MAN1A1: variants seen among roughly 807,000 people sequenced by gnomAD.
The protein encoded by MAN1A1 is mannosidase alpha class 1A member 1, also known as mannosyl-oligosaccharide 1,2-alpha-mannosidase IA.
MAN1A1 carries 29 observed loss-of-function variants against 70.8 expected under a neutral mutation model. The observed-to-expected ratio is 0.41, with a 90% CI of 0.31 to 0.56. The LOEUF (loss-of-function observed/expected upper bound fraction) is 0.56. Among genes scored for constraint, MAN1A1 ranks in the 20% least tolerant of loss-of-function variants. The pLI, the probability that MAN1A1 is intolerant of heterozygous loss-of-function variation, is 0.29. For synonymous variants in MAN1A1, 349 were observed against 330.1 expected (o/e 1.06, Z -0.62); for missense variants, 747 against 841.3 (o/e 0.89, Z 1.39).
intron 6 of MAN1A1, among the ~76,000 whole-genome samples, chr6:119,215,437 T>C (rs1362107806): frequency 2.0e-5 from 3 of 152,074 alleles, no homozygotes; most frequent in Non-Finnish European, 2.9e-5. Context: ...AGACTGGTAA[T>C]GTGATAAGAA....
intron 6 of MAN1A1, among the ~76,000 whole-genome samples, chr6:119,241,069 C>T (rs1774990106): frequency 6.6e-6 from 1 of 152,018 alleles, no homozygotes; most frequent in Non-Finnish European, 1.5e-5. Context: ...TAAACAGTAA[C>T]CCAGAAGTTT....
Position 119,348,383 on chromosome 6 carries a change from T to C in MAN1A1, c.603+80A>G, listed in dbSNP as rs188152078. Reference sequence around the variant, plus strand: ...CTCCCCATACATTGCATTGTTGCAGTCTTCAGAGTTTCAAAGGCTTGCCGT... The same window carrying C: ...CTCCCCATACATTGCATTGTTGCAGCCTTCAGAGTTTCAAAGGCTTGCCGT... On this transcript the variant is annotated intron_variant, in intron 2 of 12. Coordinates refer to ENST00000368468, the MANE Select transcript of MAN1A1 (RefSeq NM_005907.4). 12 of 1,346,508 alleles carry C rather than the reference T, an allele frequency of 8.9e-6. No homozygotes were observed. In the Admixed American group the frequency reaches 2.2e-4, roughly 24 times the overall value. 83.4% of individuals were successfully genotyped at this position (1,346,508 alleles called of 1,614,324 possible). A position where few individuals can be genotyped will look rare whatever the true frequency, so the allele number is the denominator to read the frequency against.
At chr6:119,343,461 C>T (rs145411139) in intron 2 of MAN1A1, among the ~76,000 whole-genome samples, 1 of 152,132 alleles carries the variant, frequency 6.6e-6, no homozygotes, top group Non-Finnish European at 1.5e-5. Context: ...CCTTACGACT[C>T]GGAGCATACA....
intron 5 of MAN1A1, among the ~76,000 whole-genome samples, chr6:119,261,847 A>G (rs1394890288): frequency 2.0e-5 from 3 of 152,276 alleles, no homozygotes; most frequent in Non-Finnish European, 4.4e-5. Flanking sequence ...GACAAGAATC[A>G]TCCTAAGTAG....
intron 6 of MAN1A1, among the ~76,000 whole-genome samples, chr6:119,227,277 G>A (rs1416627829): frequency 6.6e-6 from 1 of 152,192 alleles, no homozygotes; most frequent in African/African-American, 2.4e-5. Flanking sequence ...GATGGCAAAT[G>A]AATGGCTGCA....
intron 6 of MAN1A1, among the ~76,000 whole-genome samples, chr6:119,210,119 C>T (rs1028326): frequency 0.92 from 139,711 of 152,244 alleles, 64,431 homozygotes; most frequent in African/African-American, 0.95. Context: ...CATCTGACTA[C>T]CTTGGGCTGT....
intron 5 of MAN1A1, 128 bp downstream of exon 5, chr6:119,290,555 T>C: frequency 1.6e-6 from 1 of 644,796 alleles, no homozygotes; most frequent in Non-Finnish European, 2.7e-6. Context: ...CAGTGTAAGC[T>C]ACAGCTTCAT....
rs1582669088 is a variant in MAN1A1, at chr6:119,177,562, A to C, written c.*2257T>G. The stretch of plus-strand genomic sequence containing the variant: ...ATTTAACTGCACAGTTTTGTTGAAA[A>C]TAAGTTTCAACAATAAGACTTCAGT... On this transcript the variant is annotated 3_prime_UTR_variant, in exon 13 of 13. Transcript: ENST00000368468. The C allele has an allele frequency of 6.6e-6, 1 of 152,086 alleles. No homozygotes were observed. The highest frequency in any genetic ancestry group is 1.5e-5 in the Non-Finnish European group (1 of 67,928). 9.4% of individuals were successfully genotyped at this position (152,086 alleles called of 1,614,324 possible).
rs551681682 is a variant in MAN1A1, at chr6:119,242,200, TAGG to T, written c.992+6057_992+6059del. On this transcript the variant is annotated intron_variant, in intron 6 of 12. Transcript: ENST00000368468. ...TAGGCACTAGCTAGCATGTAAGACT[TAGG>T]ATAAGAACATAACTCTGGATTGCCT... Among the ~76,000 whole-genome samples, 147 of 152,218 alleles carry T rather than the reference TAGG, an allele frequency of 9.7e-4. 1 individual carries two copies. Among genetic ancestry groups the T allele is most frequent in the African/African-American group, 3.4e-3 (141 of 41,532 alleles).
chr6:119,183,924 A>C (rs547829452), intron 11 of MAN1A1, among the ~76,000 whole-genome samples: 1 of 152,152 alleles, frequency 6.6e-6, no homozygotes, highest in Admixed American at 6.5e-5. Flanking sequence ...AAAATGAAGA[A>C]ATGCTTAGAC....
intron 4 of MAN1A1, among the ~76,000 whole-genome samples, chr6:119,299,008 T>C (rs1772311086): frequency 6.6e-6 from 1 of 152,056 alleles, no homozygotes; most frequent in Non-Finnish European, 1.5e-5. Context: ...ACATGTTATT[T>C]AGTATAATTT....
intron 6 of MAN1A1, among the ~76,000 whole-genome samples, chr6:119,238,183 A>G (rs974339071): frequency 1.3e-5 from 2 of 152,218 alleles, no homozygotes; most frequent in Non-Finnish European, 2.9e-5. Context: ...CAAAGAGACA[A>G]TAAGACAAGA....
In MAN1A1 at chr6:119,180,431, A is replaced by C. The variant is rs762793243; in HGVS notation, c.1720-4T>G. The C allele has an allele frequency of 1.3e-4, 202 of 1,510,192 alleles. No individual in the cohort carries two copies. The highest frequency in any genetic ancestry group is 1.6e-4 in the Non-Finnish European group (175 of 1,097,644). The allele number at this position is 1,510,192 out of a possible 1,614,324, so 93.5% of individuals were successfully genotyped here. Reference sequence around the variant, plus strand: ...CTCTGCAATGGTTTTCCAAGGCCTAAATTATAGAGGAGGAAAAAAAAAAGT... The same window carrying C: ...CTCTGCAATGGTTTTCCAAGGCCTACATTATAGAGGAGGAAAAAAAAAAGT... On this transcript the variant is annotated splice_region_variant and splice_polypyrimidine_tract_variant and intron_variant, in intron 11 of 12. Coordinates refer to ENST00000368468, the MANE Select transcript of MAN1A1 (RefSeq NM_005907.4).
upstream of MAN1A1, chr6:119,350,417 G>T (rs1248979146): frequency 1.5e-5 from 6 of 392,328 alleles, no homozygotes; most frequent in Non-Finnish European, 1.7e-5. Flanking sequence ...ACACAGTTCT[G>T]TGCTTGCTTA....
In MAN1A1 at chr6:119,180,000, C is replaced by T; in HGVS notation, c.1836-55G>A. The T allele has an allele frequency of 3.2e-6, 5 of 1,578,860 alleles. 1 individual carries two copies. The highest frequency in any genetic ancestry group is 2.2e-5 in the South Asian group (2 of 89,546). ...CCAAGACACTAGGCAGGCAGTGAAACCACAAACACACAGCAAAAACCACAT... is the reference window on the plus strand; with the variant it reads ...CCAAGACACTAGGCAGGCAGTGAAATCACAAACACACAGCAAAAACCACAT... On this transcript the variant is annotated intron_variant, in intron 12 of 12. Coordinates refer to ENST00000368468, the MANE Select transcript of MAN1A1 (RefSeq NM_005907.4).
chr6:119,276,882 T>C (rs1776080579), intron 5 of MAN1A1, among the ~76,000 whole-genome samples: 1 of 152,180 alleles, frequency 6.6e-6, no homozygotes, highest in South Asian at 2.1e-4. Context: ...CTTCTGCTTA[T>C]CTTTTCTAAC....
rs1053234840 is a variant in MAN1A1, at chr6:119,185,060, T to G, written c.1719+3345A>C. 5.9e-5 allele frequency among the ~76,000 whole-genome samples: 9 copies of G among 152,252 alleles called. 1 individual carries two copies. In the South Asian group the frequency reaches 1.0e-3, roughly 18 times the overall value. Reference sequence around the variant, plus strand: ...GTGTGCCAGCATGACGGGCTAATTTTTAAATTTTGTAAAGACAGGGTGATG... The same window carrying G: ...GTGTGCCAGCATGACGGGCTAATTTGTAAATTTTGTAAAGACAGGGTGATG... On this transcript the variant is annotated intron_variant, in intron 11 of 12. Coordinates refer to ENST00000368468, the MANE Select transcript of MAN1A1 (RefSeq NM_005907.4).
intron 6 of MAN1A1, among the ~76,000 whole-genome samples, chr6:119,232,701 G>T (rs917368936): frequency 8.0e-5 from 12 of 150,204 alleles, no homozygotes; most frequent in Admixed American, 6.6e-5. Flanking sequence ...GTGTGTGTGT[G>T]TGTGTGTGTG....
chr6:119,277,990 A>AAAT (rs60916225), intron 5 of MAN1A1, among the ~76,000 whole-genome samples: 33,293 of 110,664 alleles, frequency 0.3, 4,815 homozygotes, highest in East Asian at 0.46. Flanking sequence ...AATAAATAAA[A>AAAT]AAAAAGTAAT....
Sources: allele counts gnomAD v4.1 joint callset (sites outside exome capture counted in the v4.1 genomes callset), GRCh38; gene constraint gnomAD v4.1.1; transcripts MANE v1.5; gene names NCBI Gene and HGNC (gene_info 2026-07-23, HGNC 2026-07-21).